STAC: variants seen among roughly 807,000 people sequenced by gnomAD.
STAC encodes the protein SH3 and cysteine-rich domain-containing protein.
STAC carries 43 observed loss-of-function variants against 48.8 expected under a neutral mutation model. The ratio of observed to expected loss-of-function variants is 0.88; its 90% CI spans 0.69 to 1.14. The LOEUF (loss-of-function observed/expected upper bound fraction) is 1.14, where lower values mean the gene tolerates loss of function less well. Ranked by LOEUF, STAC falls within the 50% of genes most tolerant of loss-of-function variation. The pLI, the probability that STAC is intolerant of heterozygous loss-of-function variation, is 0.00. For synonymous variants in STAC, 193 were observed against 179.5 expected (o/e 1.07, Z -0.60); for missense variants, 497 against 504.0 (o/e 0.99, Z 0.13).
At chr3:36,495,127 A>G (rs1387734964) in intron 6 of STAC, among the ~76,000 whole-genome samples, 6 of 152,142 alleles carry the variant, frequency 3.9e-5, no homozygotes, top group Non-Finnish European at 8.8e-5. Flanking sequence ...TGTGATCCCA[A>G]AGCAGTGACC....
chr3:36,536,206 T>A (rs1398220112), intron 10 of STAC, among the ~76,000 whole-genome samples: 1 of 151,972 alleles, frequency 6.6e-6, no homozygotes, highest in Non-Finnish European at 1.5e-5. Flanking sequence ...GGAGGGTGTA[T>A]GGCCATTGAC....
At chr3:36,382,815 G>A (rs990844984) in intron 1 of STAC, among the ~76,000 whole-genome samples, 4 of 152,126 alleles carry the variant, frequency 2.6e-5, no homozygotes, top group African/African-American at 9.7e-5. Context: ...AAGCTTACTG[G>A]CGTTTACAAG....
intron 8 of STAC, among the ~76,000 whole-genome samples, chr3:36,516,833 A>C (rs1698685249): frequency 6.6e-6 from 1 of 152,212 alleles, no homozygotes; most frequent in Non-Finnish European, 1.5e-5. Context: ...CCCAGTACAA[A>C]GTGAGGTCAC....
At position 36,400,394 on chromosome 3, in the gene STAC, T is replaced by C. The variant is rs551897604; in HGVS notation, c.111+19640T>C. Among the ~76,000 whole-genome samples, 3 of 152,282 alleles carry C rather than the reference T, an allele frequency of 2.0e-5. No homozygotes were observed. The South Asian group carries it at 6.2e-4, about 32-fold the overall frequency. On this transcript the variant is annotated intron_variant, in intron 1 of 10. Coordinates refer to ENST00000273183, the MANE Select transcript of STAC (RefSeq NM_003149.3). ...CTGAAAATATAATGTAAAGGAACATTTGAAATCATCACAGATAACCCCATG... is the reference window on the plus strand; with the variant it reads ...CTGAAAATATAATGTAAAGGAACATCTGAAATCATCACAGATAACCCCATG...
chr3:36,477,133 T>C (rs972365668), intron 2 of STAC, among the ~76,000 whole-genome samples: 2 of 152,210 alleles, frequency 1.3e-5, no homozygotes, highest in African/African-American at 4.8e-5. Flanking sequence ...GAGTCTTTTT[T>C]CTCTAATTTA....
chr3:36,532,064 T>A (rs1401067533), intron 10 of STAC, among the ~76,000 whole-genome samples: 1 of 152,180 alleles, frequency 6.6e-6, no homozygotes, highest in Non-Finnish European at 1.5e-5. Context: ...TTGCTGTGGT[T>A]TTCCTGGGCC....
intron 2 of STAC, among the ~76,000 whole-genome samples, chr3:36,456,852 G>A (rs1321368407): frequency 6.6e-6 from 1 of 152,072 alleles, no homozygotes; most frequent in Non-Finnish European, 1.5e-5. Context: ...CTCCCACCCT[G>A]ATTCAAGCTT....
intron 1 of STAC, among the ~76,000 whole-genome samples, chr3:36,392,675 G>C (rs986952861): frequency 2.0e-5 from 3 of 152,118 alleles, no homozygotes; most frequent in Non-Finnish European, 4.4e-5. Flanking sequence ...CCCCTGCAGA[G>C]CTTTCAGGTG....
chr3:36,391,155 C>A (rs1390264968), intron 1 of STAC, among the ~76,000 whole-genome samples: 1 of 152,160 alleles, frequency 6.6e-6, no homozygotes, highest in Non-Finnish European at 1.5e-5. Flanking sequence ...AAGCATTAAG[C>A]ACAAGTGCTC....
intron 1 of STAC, among the ~76,000 whole-genome samples, chr3:36,413,161 G>A (rs1372337644): frequency 6.6e-6 from 1 of 152,152 alleles, no homozygotes; most frequent in African/African-American, 2.4e-5. Flanking sequence ...GTTGATTTGG[G>A]GTGGACGGTT....
At chr3:36,465,932 C>T (rs1365549104) in intron 2 of STAC, among the ~76,000 whole-genome samples, 2 of 152,170 alleles carry the variant, frequency 1.3e-5, no homozygotes, top group Non-Finnish European at 2.9e-5. Context: ...TTTGGCAACA[C>T]CCACCCAGAC....
At chr3:36,437,931 G>GTTATTATTATTATTATTATTATTA (rs146079093) in intron 1 of STAC, among the ~76,000 whole-genome samples, 1 of 140,576 alleles carries the variant, frequency 7.1e-6, no homozygotes, top group Non-Finnish European at 1.5e-5. Flanking sequence ...TATTCATTGA[G>GTTATTATTATTATTATTATTATTA]TTATTATTAT....
chr3:36,483,496 A>C (rs774900684), intron 3 of STAC, among the ~76,000 whole-genome samples: 2 of 152,164 alleles, frequency 1.3e-5, no homozygotes, highest in Non-Finnish European at 2.9e-5. Context: ...GTGGGTAGCA[A>C]GAGAGGACAA....
rs558517132 is a variant in STAC at position 36,539,946 on chromosome 3, G to C, written c.1111-6245G>C. Among the ~76,000 whole-genome samples the C allele has an allele frequency of 1.6e-4, 24 of 152,308 alleles. 1 individual carries two copies. The South Asian group carries it at 5.0e-3, about 32-fold the overall frequency. On this transcript the variant is annotated intron_variant, in intron 10 of 10. Coordinates refer to ENST00000273183, the MANE Select transcript of STAC (RefSeq NM_003149.3). ...TTTATATGACAAAAGGAATTTTGTAGATGTGATTAAGTTAAAGATTTTGTG... is the reference window on the plus strand; with the variant it reads ...TTTATATGACAAAAGGAATTTTGTACATGTGATTAAGTTAAAGATTTTGTG...
intron 1 of STAC, among the ~76,000 whole-genome samples, chr3:36,430,928 C>A (rs1241503571): frequency 6.6e-6 from 1 of 152,124 alleles, no homozygotes; most frequent in Non-Finnish European, 1.5e-5. Context: ...AGCCCTGTCT[C>A]CAAATAAAAT....
At chr3:36,470,534 G>C (rs1697301677) in intron 2 of STAC, among the ~76,000 whole-genome samples, 1 of 152,234 alleles carries the variant, frequency 6.6e-6, no homozygotes, top group African/African-American at 2.4e-5. Context: ...GTTTTGTGTT[G>C]GTTGGCCTCC....
chr3:36,415,579 G>T (rs1700301376), intron 1 of STAC, among the ~76,000 whole-genome samples: 1 of 152,170 alleles, frequency 6.6e-6, no homozygotes, highest in Non-Finnish European at 1.5e-5. Context: ...GGAATTCCCT[G>T]ACCCCCTGCT....
intron 5 of STAC, among the ~76,000 whole-genome samples, chr3:36,492,031 A>AAAAT (rs1553639882): frequency 6.1e-5 from 1 of 16,436 alleles, no homozygotes; most frequent in Non-Finnish European, 1.2e-4. Context: ...AAAAAAAAAA[A>AAAAT]ATATATATAT....
chr3:36,452,499 C>G (rs1395666571), intron 2 of STAC, among the ~76,000 whole-genome samples: 1 of 152,122 alleles, frequency 6.6e-6, no homozygotes, highest in Non-Finnish European at 1.5e-5. Context: ...TCTGGAGTGT[C>G]CTTAGCACTA....
Sources: allele counts gnomAD v4.1 joint callset (sites outside exome capture counted in the v4.1 genomes callset), GRCh38; gene constraint gnomAD v4.1.1; transcripts MANE v1.5; gene names NCBI Gene and HGNC (gene_info 2026-07-23, HGNC 2026-07-21).